UGT2B7: variants seen among roughly 807,000 people sequenced by gnomAD.
UGT2B7 encodes the protein UDP glucuronosyltransferase family 2 member B7, also known as UDP-glucuronosyltransferase 2B7.
A neutral mutation model predicts 51.9 loss-of-function variants in UGT2B7; 51 were observed. The observed-to-expected ratio is 0.98, with a 90% confidence interval of 0.78 to 1.24. The LOEUF (loss-of-function observed/expected upper bound fraction) is 1.24. Ranked by LOEUF, UGT2B7 falls within the 50% of genes most tolerant of loss-of-function variation. The probability of loss-of-function intolerance (pLI) is 0.00; values close to 1 mark genes in which losing one functional copy is unlikely to be tolerated. For synonymous variants in UGT2B7, 225 were observed against 211.6 expected (o/e 1.06, Z -0.55); for missense variants, 727 against 628.4 (o/e 1.16, Z -1.68).
chr4:69,061,954 T>C (rs1487021022), intron 1 of UGT2B7, among the ~76,000 whole-genome samples: 5 of 152,140 alleles, frequency 3.3e-5, no homozygotes, highest in Non-Finnish European at 7.4e-5. Flanking sequence ...TGAGAGTTGA[T>C]GAAGGTATTG....
Position 69,102,854 on chromosome 4 carries a change from GT to G in UGT2B7, c.922del (p.Ser308LeufsTer9). ...QSSGENGVVV[F>X]SLGSMVSNMT... Reference sequence around the variant, plus strand: ...GCTCTGGAGAAAATGGTGTTGTGGTGTTTTCTCTGGGGTCAATGGTCAGTAA... The same window carrying G: ...GCTCTGGAGAAAATGGTGTTGTGGTGTTTCTCTGGGGTCAATGGTCAGTAA... On this transcript the variant is annotated frameshift_variant, in exon 3 of 6. Transcript: ENST00000305231. LOFTEE classifies it high-confidence loss of function. 1 of 1,613,616 alleles carries G rather than the reference GT, an allele frequency of 6.2e-7. No individual in the cohort carries two copies. Among genetic ancestry groups the G allele is most frequent in the Non-Finnish European group, 8.5e-7 (1 of 1,179,722 alleles).
chr4:69,053,372 A>T (rs555173688), intron 1 of UGT2B7, among the ~76,000 whole-genome samples: 9 of 152,224 alleles, frequency 5.9e-5, no homozygotes, highest in Non-Finnish European at 1.3e-4. Context: ...CTTAAAAAAA[A>T]CTTTGGCAAT....
At chr4:69,073,663 A>G (rs1437606539) in intron 1 of UGT2B7, among the ~76,000 whole-genome samples, 1 of 152,196 alleles carries the variant, frequency 6.6e-6, no homozygotes, top group Non-Finnish European at 1.5e-5. Context: ...TGAGACAAAC[A>G]CATTGAATAG....
intron 1 of UGT2B7, among the ~76,000 whole-genome samples, chr4:69,076,023 T>C (rs1718696324): frequency 6.6e-6 from 1 of 151,952 alleles, no homozygotes; most frequent in Admixed American, 6.6e-5. Flanking sequence ...TGTGAGAACA[T>C]GCGGTGTTAG....
intron 3 of UGT2B7, among the ~76,000 whole-genome samples, chr4:69,104,766 C>T (rs1719543490): frequency 6.6e-6 from 1 of 152,122 alleles, no homozygotes; most frequent in Non-Finnish European, 1.5e-5. Flanking sequence ...GCACTGTACA[C>T]ACTACAGGTG....
intron 1 of UGT2B7, among the ~76,000 whole-genome samples, chr4:69,073,742 C>T (rs1410246425): frequency 5.8e-5 from 1 of 17,384 alleles, no homozygotes. Context: ...AACAAGAGAG[C>T]TTTGGAAAAA....
rs1320509334 is a variant in UGT2B7, at chr4:69,108,235, C to A, written c.1223C>A (p.Ala408Asp). The A allele has an allele frequency of 6.2e-7, 1 of 1,613,526 alleles. No homozygotes were observed. Among genetic ancestry groups the A allele is most frequent in the Non-Finnish European group, 8.5e-7 (1 of 1,179,706 alleles). Residue 408 changes from alanine (A) to aspartate (D), a missense_variant, in exon 5 of 6, where the codon GCC becomes GAC. Physicochemically the swap from Ala to Asp is moderately radical, Grantham distance 126 (BLOSUM62 -2). Transcript: ENST00000305231. ...DQPDNIAHMK[A>D]RGAAVRVDFN... ...CCTGATAACATTGCTCACATGAAGG[C>A]CAGGGGAGCAGCTGTTAGAGTGGAC... is the stretch of plus-strand genomic sequence containing the variant.
chr4:69,078,533 G>A (rs7679418), intron 1 of UGT2B7, among the ~76,000 whole-genome samples: 65,211 of 151,946 alleles, frequency 0.43, 15,548 homozygotes, highest in African/African-American at 0.64. Context: ...GGAATAAGAT[G>A]AATTCAGTTG....
At chr4:69,071,927 A>AT (rs986363181) in intron 1 of UGT2B7, among the ~76,000 whole-genome samples, 2 of 152,024 alleles carry the variant, frequency 1.3e-5, no homozygotes, top group African/African-American at 4.8e-5. Flanking sequence ...GTCTATTTAT[A>AT]TTTTTTTATG....
chr4:69,110,732 A>C (rs1016638341), intron 5 of UGT2B7, among the ~76,000 whole-genome samples: 1 of 152,130 alleles, frequency 6.6e-6, no homozygotes, highest in Non-Finnish European at 1.5e-5. Flanking sequence ...GTGGTGACTA[A>C]ATGGTTCAGA....
chr4:69,102,632 T>G (rs1209317802), intron 2 of UGT2B7, among the ~76,000 whole-genome samples, 175 bp from the exon 3 acceptor site: 1 of 152,116 alleles, frequency 6.6e-6, no homozygotes, highest in East Asian at 1.9e-4. Flanking sequence ...ACCTATCTCA[T>G]ATTATACATC....
At chr4:69,053,536 C>T (rs1367560965) in intron 1 of UGT2B7, among the ~76,000 whole-genome samples, 3 of 152,186 alleles carry the variant, frequency 2.0e-5, no homozygotes, top group South Asian at 4.1e-4. Flanking sequence ...GTTGACCAGG[C>T]GTAGGCTGCA....
rs752487356 is a variant in UGT2B7, at chr4:69,098,696, T to C, written c.870+8T>C. The C allele has an allele frequency of 2.5e-6, 4 of 1,605,402 alleles. No homozygotes were observed. The highest frequency in any genetic ancestry group is 3.4e-6 in the Non-Finnish European group (4 of 1,177,528). ...GCCAAACCCCTGCCTAAGGTAAACA[T>C]ACTTTTGTTGGTTTTATTTTGTTGG... On this transcript the variant is annotated splice_region_variant and intron_variant, in intron 2 of 5. Coordinates refer to ENST00000305231, the MANE Select transcript of UGT2B7 (RefSeq NM_001074.4).
At chr4:69,057,530 T>C (rs1718233538) in intron 1 of UGT2B7, among the ~76,000 whole-genome samples, 1 of 152,230 alleles carries the variant, frequency 6.6e-6, no homozygotes, top group Non-Finnish European at 1.5e-5. Flanking sequence ...CTCTTCTGGA[T>C]ATTTATCCAT....
intron 2 of UGT2B7, among the ~76,000 whole-genome samples, chr4:69,100,537 C>T (rs1446688116): frequency 2.0e-5 from 3 of 151,940 alleles, no homozygotes; most frequent in African/African-American, 2.4e-5. Context: ...TATATGATAA[C>T]TTTCTCAAGA....
intron 1 of UGT2B7, among the ~76,000 whole-genome samples, chr4:69,052,866 T>C (rs1718072690): frequency 6.6e-6 from 1 of 152,124 alleles, no homozygotes; most frequent in African/African-American, 2.4e-5. Context: ...AAAAAGATTA[T>C]AAGGAGGCAT....
chr4:69,092,610 C>A (rs5005649), upstream of UGT2B7, among the ~76,000 whole-genome samples: 3 of 148,062 alleles, frequency 2.0e-5, no homozygotes, highest in Admixed American at 6.6e-5. Context: ...AAATATAAAA[C>A]ATAAAATATG....
At position 69,064,080 on chromosome 4, in the gene UGT2B7, GAAAGAA is replaced by G. The variant is rs1560499699; in HGVS notation, c.-159+12480_-159+12485del. Among the ~76,000 whole-genome samples the G allele has an allele frequency of 3.8e-3, 399 of 104,794 alleles. 13 individuals carry two copies. The highest frequency in any genetic ancestry group is 0.018 in the African/African-American group (359 of 19,534). 68.7% of individuals were successfully genotyped at this position (104,794 alleles called of 152,430 possible). ...AGAAAGAAAGAAAGAAAGAAAGAAA[GAAAGAA>G]AGAAAGAAAGAGAAAGAAAGAAAGA... On this transcript the variant is annotated intron_variant, in intron 1 of 5. Coordinates refer to the UGT2B7 transcript ENST00000502942.
intron 1 of UGT2B7, among the ~76,000 whole-genome samples, chr4:69,080,384 C>T (rs1718808539): frequency 6.6e-6 from 1 of 151,772 alleles, no homozygotes; most frequent in Admixed American, 6.6e-5. Context: ...TCCGTCCCTG[C>T]TAAAAATACA....
Sources: gnomAD v4.1 joint callset for allele counts (sites outside exome capture counted in the v4.1 genomes callset) on GRCh38, gnomAD v4.1.1 for gene constraint, MANE v1.5 for transcripts, NCBI Gene and HGNC (gene_info 2026-07-23, HGNC 2026-07-21) for gene names.